RNF144A: variants seen among roughly 807,000 people sequenced by gnomAD.
The protein encoded by RNF144A is ring finger protein 144A.
In RNF144A, 11 loss-of-function variants were observed where a neutral mutation model predicts 38.7. The observed-to-expected ratio is 0.28, with a 90% CI of 0.18 to 0.47. The LOEUF is 0.47. Among genes scored for constraint, RNF144A ranks in the 20% least tolerant of loss-of-function variants. The probability of loss-of-function intolerance (pLI) is 0.99; values close to 1 mark genes in which losing one functional copy is unlikely to be tolerated. For missense variants in RNF144A, 316 were observed against 377.2 expected (o/e 0.84, Z 1.34); for synonymous variants, 149 against 143.9 (o/e 1.04, Z -0.25).
intron 5 of RNF144A, among the ~76,000 whole-genome samples, chr2:7,015,361 T>C (rs1558433594): frequency 6.6e-6 from 1 of 152,202 alleles, no homozygotes; most frequent in East Asian, 1.9e-4. Context: ...CCAGAGAGGC[T>C]AACTGACTTG....
At chr2:6,985,601 A>G (rs1238340214) in intron 2 of RNF144A, among the ~76,000 whole-genome samples, 1 of 152,196 alleles carries the variant, frequency 6.6e-6, no homozygotes, top group East Asian at 1.9e-4. Context: ...GACGGAATAC[A>G]ACTCGAGCCA....
At chr2:7,007,737 G>A (rs1034809076) in intron 3 of RNF144A, among the ~76,000 whole-genome samples, 1 of 152,122 alleles carries the variant, frequency 6.6e-6, no homozygotes, top group Non-Finnish European at 1.5e-5. Context: ...CCTCTGTTCC[G>A]TTCCCCTGGG....
chr2:6,996,524 G>A lies in RNF144A; in HGVS notation c.-11-392G>A, dbSNP rs560777933. 1.9e-3 allele frequency among the ~76,000 whole-genome samples: 283 copies of A among 152,276 alleles called. 2 individuals carry two copies. The highest frequency in any genetic ancestry group is 6.6e-3 in the African/African-American group (274 of 41,558). ...ATTTCTCAGAGCTTGGCAGGTCGAG[G>A]TGGGGGGATCATGAGGTCAGGAGAT... is the stretch of plus-strand genomic sequence containing the variant. On this transcript the variant is annotated intron_variant, in intron 2 of 8. Coordinates refer to ENST00000320892, the MANE Select transcript of RNF144A (RefSeq NM_014746.6).
Position 6,956,705 on chromosome 2 carries a change from C to T in RNF144A, c.-12+15558C>T, listed in dbSNP as rs142373964. ...GTTCTAATCTAGTGGCATCCGGGGACGCTGCTCAGCTTCAATGTGAGAACA... is the reference window on the plus strand; with the variant it reads ...GTTCTAATCTAGTGGCATCCGGGGATGCTGCTCAGCTTCAATGTGAGAACA... On this transcript the variant is annotated intron_variant, in intron 2 of 8. Transcript: ENST00000320892. 7.7e-4 allele frequency among the ~76,000 whole-genome samples: 117 copies of T among 152,244 alleles called. No homozygotes were observed. In the East Asian group the frequency reaches 8.1e-3, roughly 11 times the overall value.
chr2:6,973,773 C>T (rs1209481917), intron 2 of RNF144A, among the ~76,000 whole-genome samples: 1 of 152,236 alleles, frequency 6.6e-6, no homozygotes, highest in African/African-American at 2.4e-5. Context: ...CAAATCCAGC[C>T]TGCTGCCTGT....
At chr2:6,998,100 A>G (rs1669875261) in intron 3 of RNF144A, among the ~76,000 whole-genome samples, 1 of 152,250 alleles carries the variant, frequency 6.6e-6, no homozygotes, top group Admixed American at 6.5e-5. Context: ...TTATAACTGA[A>G]AAAAGCTGAA....
intron 3 of RNF144A, among the ~76,000 whole-genome samples, chr2:7,000,250 A>G (rs1670016236): frequency 6.6e-6 from 1 of 152,236 alleles, no homozygotes; most frequent in East Asian, 1.9e-4. Flanking sequence ...TGTGAAGTCT[A>G]ACTTTAGAAG....
intron 3 of RNF144A, among the ~76,000 whole-genome samples, chr2:7,006,565 C>G (rs187667545): frequency 6.6e-6 from 1 of 152,200 alleles, no homozygotes; most frequent in East Asian, 1.9e-4. Context: ...CCCGCTACCC[C>G]AACCCTTGCT....
intron 6 of RNF144A, 48 bp from the exon 7 acceptor site, chr2:7,024,321 T>A (rs1363999224): frequency 2.2e-5 from 34 of 1,524,698 alleles, no homozygotes; most frequent in Non-Finnish European, 3.0e-5. Context: ...CTCCTGGGTC[T>A]CCCGTGGGAT....
rs1192375931 is a variant in RNF144A, at chr2:6,917,509, TGCGGGCTGC to T, written c.-318_-310del. 8 of 147,370 alleles carry T rather than the reference TGCGGGCTGC, an allele frequency of 5.4e-5. No individual in the cohort carries two copies. The highest frequency in any genetic ancestry group is 1.2e-4 in the Non-Finnish European group (8 of 66,248). 9.1% of individuals were successfully genotyped at this position (147,370 alleles called of 1,614,324 possible). ...AGGGCTGGCATTGCAGTGCGGGCCG[TGCGGGCTGC>T]GCGGGCGCGGGGAGGCGCGGGCGGC... On this transcript the variant is annotated 5_prime_UTR_variant, in exon 1 of 9. Transcript: ENST00000320892. This position sits in a 1 kb window ranked among gnomAD's most constrained non-coding sequence, Gnocchi z 4.8.
At chr2:6,933,944 G>C (rs1170710092) in intron 1 of RNF144A, among the ~76,000 whole-genome samples, 2 of 152,106 alleles carry the variant, frequency 1.3e-5, no homozygotes, top group African/African-American at 4.8e-5. Context: ...ATTGCTTCCA[G>C]GGTTTTTTGT....
chr2:7,027,431 C>T (rs995405968), intron 7 of RNF144A, among the ~76,000 whole-genome samples: 1 of 152,196 alleles, frequency 6.6e-6, no homozygotes, highest in Non-Finnish European at 1.5e-5. Flanking sequence ...CTTCCCTTAA[C>T]GCACAGTATT....
intron 3 of RNF144A, among the ~76,000 whole-genome samples, chr2:7,009,937 G>C (rs1670686160): frequency 6.6e-6 from 1 of 152,208 alleles, no homozygotes; most frequent in Non-Finnish European, 1.5e-5. Context: ...TCATCTTTGT[G>C]TCCTTCCATT....
chr2:7,022,390 A>G (rs1002969748), intron 6 of RNF144A, among the ~76,000 whole-genome samples: 4 of 152,196 alleles, frequency 2.6e-5, no homozygotes, highest in Non-Finnish European at 4.4e-5. Context: ...CTGCTTTTAT[A>G]ATTTGAGTTT....
At chr2:7,015,438 A>G (rs1033271466) in intron 5 of RNF144A, among the ~76,000 whole-genome samples, 1 of 152,178 alleles carries the variant, frequency 6.6e-6, no homozygotes, top group African/African-American at 2.4e-5. Flanking sequence ...TGAGCCCTCC[A>G]CTGGGCCCTG....
At chr2:7,012,871 G>C (rs1043903605) in intron 3 of RNF144A, among the ~76,000 whole-genome samples, 1 of 152,206 alleles carries the variant, frequency 6.6e-6, no homozygotes, top group African/African-American at 2.4e-5. Flanking sequence ...GTAAAATGTA[G>C]ATGATCTGTG....
intron 2 of RNF144A, among the ~76,000 whole-genome samples, chr2:6,942,038 T>C (rs1666027558): frequency 6.6e-6 from 1 of 152,222 alleles, no homozygotes; most frequent in South Asian, 2.1e-4. Context: ...AATGGCTTAC[T>C]CTGGCCTCTA....
intron 2 of RNF144A, among the ~76,000 whole-genome samples, chr2:6,948,694 A>G (rs957639081): frequency 5.9e-5 from 9 of 152,248 alleles, no homozygotes; most frequent in African/African-American, 1.7e-4. Context: ...CTTGGAAAAT[A>G]TCTTGATTCC....
intron 2 of RNF144A, among the ~76,000 whole-genome samples, chr2:6,959,344 G>A: frequency 6.6e-6 from 1 of 152,218 alleles, no homozygotes; most frequent in Admixed American, 6.5e-5. Flanking sequence ...AGTGGAGCAT[G>A]GCTCATTGGT....
Sources: gnomAD v4.1 joint callset for allele counts (sites outside exome capture counted in the v4.1 genomes callset) on GRCh38, gnomAD v4.1.1 for gene constraint, Gnocchi (gnomAD v3.1) non-coding constraint, MANE v1.5 for transcripts, NCBI Gene and HGNC (gene_info 2026-07-23, HGNC 2026-07-21) for gene names.